The following ERMP1 variants were observed in gnomAD, a reference collection of about 807,000 sequenced individuals.
ERMP1 encodes Felix-ina.
ERMP1 carries 86 observed loss-of-function variants against 92.0 expected under a neutral mutation model. The observed-to-expected ratio is 0.93, with a 90% CI of 0.79 to 1.12. The LOEUF is 1.12. Among genes scored for constraint, ERMP1 ranks in the 50% most tolerant of loss-of-function variants. The pLI is 0.00. For missense variants in ERMP1, 1,342 were observed against 1,116.3 expected (o/e 1.20, Z -2.88); for synonymous variants, 530 against 412.8 (o/e 1.28, Z -3.44).
At chr9:5,798,702 C>A in intron 12 of ERMP1, 104 bp downstream of exon 12, 1 of 691,180 alleles carries the variant, frequency 1.4e-6, no homozygotes, top group Non-Finnish European at 2.4e-6. Flanking sequence ...ACAAACACCA[C>A]TGAACTTGTA....
chr9:5,787,252 C>A lies in ERMP1; in HGVS notation c.2607G>T (p.Leu869=). 6.2e-7 allele frequency: 1 copy of A among 1,614,110 alleles called. No homozygotes were observed. The highest frequency in any genetic ancestry group is 8.5e-7 in the Non-Finnish European group (1 of 1,179,992). ...GAGGGGATCTCTTGTCTTCCCCAGA[C>A]AGATAGTGGGCAGCAATGGCCACGG... ...MVTVAIAAHY[L]SGEDKRSPQL... is the part of the protein sequence containing the mutation. Residue 869 remains leucine (L), a synonymous_variant, in exon 15 of 15, where the codon CTG becomes CTT. Coordinates refer to ENST00000339450, the MANE Select transcript of ERMP1 (RefSeq NM_024896.3).
intron 6 of ERMP1, among the ~76,000 whole-genome samples, chr9:5,811,863 T>G (rs1472047022): frequency 6.6e-6 from 1 of 151,920 alleles, no homozygotes; most frequent in Non-Finnish European, 1.5e-5. Context: ...CTAACAGAGC[T>G]ACATTCTTAC....
intron 13 of ERMP1, among the ~76,000 whole-genome samples, chr9:5,796,625 A>T (rs1461012939): frequency 6.6e-6 from 1 of 152,224 alleles, no homozygotes; most frequent in Non-Finnish European, 1.5e-5. Context: ...AAGTCAGTCG[A>T]AAAAGGCTAC....
intron 2 of ERMP1, among the ~76,000 whole-genome samples, chr9:5,829,069 C>T (rs1002675449): frequency 1.3e-5 from 2 of 151,902 alleles, no homozygotes; most frequent in Non-Finnish European, 2.9e-5. Context: ...CATGGTGAAA[C>T]CCTGTCGCTG....
chr9:5,794,023 AAG>A (rs1321602365), intron 13 of ERMP1, among the ~76,000 whole-genome samples: 1 of 152,134 alleles, frequency 6.6e-6, no homozygotes, highest in Non-Finnish European at 1.5e-5. Context: ...AACATTCATC[AAG>A]AGAGACCACA....
chr9:5,802,441 G>T (rs974642088), intron 10 of ERMP1, among the ~76,000 whole-genome samples: 11 of 152,152 alleles, frequency 7.2e-5, no homozygotes, highest in African/African-American at 2.2e-4. Context: ...CTGGAGTGCA[G>T]AGGCACGATC....
At chr9:5,796,569 CA>C (rs1828432875) in intron 13 of ERMP1, among the ~76,000 whole-genome samples, 1 of 152,092 alleles carries the variant, frequency 6.6e-6, no homozygotes, top group Non-Finnish European at 1.5e-5. Flanking sequence ...TATCAAGTCA[CA>C]AAAAGATATG....
upstream of ERMP1, among the ~76,000 whole-genome samples, chr9:5,837,553 A>C (rs932406637): frequency 1.6e-4 from 24 of 152,220 alleles, no homozygotes; most frequent in Admixed American, 2.6e-4. Context: ...TACATCAAAA[A>C]CAGTCACCAA....
At chr9:5,864,159 G>C (rs1384089147) in intron 5 of ERMP1, among the ~76,000 whole-genome samples, 2 of 152,174 alleles carry the variant, frequency 1.3e-5, no homozygotes, top group Non-Finnish European at 2.9e-5. Context: ...GCTGAATGTG[G>C]TTTTAATTTA....
At chr9:5,834,983 G>GTGTA (rs1209131080), upstream of ERMP1, among the ~76,000 whole-genome samples, 1,080 of 62,438 alleles carry the variant, frequency 0.017, 12 homozygotes, top group Non-Finnish European at 0.024. Flanking sequence ...ATAGATGTGT[G>GTGTA]TGTGTGTGTG....
Position 5,832,915 on chromosome 9 carries a change from G to T in ERMP1, c.113C>A (p.Pro38His). Residue 38 changes from proline to histidine, a missense_variant, in exon 1 of 15, where the codon CCT becomes CAT. Coordinates refer to ENST00000339450, the MANE Select transcript of ERMP1 (RefSeq NM_024896.3). ...PPEREARAQE[P>H]LVDGCSGGGR... ...GCCGCCGCTGCACCCATCCACCAGA[G>T]GCTCCTGCGCTCGGGCCTCCCTCTC... The T allele has an allele frequency of 6.4e-7, 1 of 1,561,850 alleles. No individual in the cohort carries two copies. The highest frequency in any genetic ancestry group is 8.6e-7 in the Non-Finnish European group (1 of 1,164,844).
chr9:5,811,008 A>C (rs1563759059), intron 7 of ERMP1, 103 bp downstream of exon 7: 1 of 704,600 alleles, frequency 1.4e-6, no homozygotes, highest in Non-Finnish European at 2.4e-6. Flanking sequence ...ACATTGTCTT[A>C]AGATTTTTAG....
rs1829078038 is a variant in ERMP1 at position 5,811,202 on chromosome 9, GT to G, written c.1235del (p.Tyr412SerfsTer9). 1 of 1,613,866 alleles carries G rather than the reference GT, an allele frequency of 6.2e-7. No individual in the cohort carries two copies. The highest frequency in any genetic ancestry group is 1.3e-5 in the African/African-American group (1 of 74,868). ...TTATGATTGAGCCAATACGAGAGGG[GT>G]AGGCAATGACAAACAGGCCCAGCAC... ...FDVLGLFVIA[Y>X]PSRIGSIINY... On this transcript the variant is annotated frameshift_variant, in exon 7 of 15. Transcript: ENST00000339450. LOFTEE classifies it high-confidence loss of function.
chr9:5,819,746 A>C (rs902550004), intron 4 of ERMP1, among the ~76,000 whole-genome samples: 1 of 152,188 alleles, frequency 6.6e-6, no homozygotes, highest in African/African-American at 2.4e-5. Flanking sequence ...GAAATACATT[A>C]CACTAAGTAA....
rs1043339428 is a variant in ERMP1 at position 5,817,162 on chromosome 9, T to G, written c.875-4127A>C. 3.9e-5 allele frequency among the ~76,000 whole-genome samples: 6 copies of G among 151,994 alleles called. No individual in the cohort carries two copies. The East Asian group carries it at 5.8e-4, about 15-fold the overall frequency. On this transcript the variant is annotated intron_variant, in intron 4 of 14. Coordinates refer to ENST00000339450, the MANE Select transcript of ERMP1 (RefSeq NM_024896.3). ...ATCCGCCTGCCTCGGCCTCCCAAAG[T>G]GCTGGGATTACAGGCATGAGCCACC... is the stretch of plus-strand genomic sequence containing the variant.
chr9:5,784,591 C>G lies in ERMP1; in HGVS notation c.*2553G>C, dbSNP rs976696953. ...AACCAGTATATTAAACAGTTTATTT[C>G]AGTAACATTGTAAGGCAACAATTAA... On this transcript the variant is annotated 3_prime_UTR_variant, in exon 15 of 15. Coordinates refer to ENST00000339450, the MANE Select transcript of ERMP1 (RefSeq NM_024896.3). The G allele has an allele frequency of 2.0e-5, 3 of 152,622 alleles. No individual in the cohort carries two copies. The highest frequency in any genetic ancestry group is 6.5e-5 in the Admixed American group (1 of 15,272). 9.5% of individuals were successfully genotyped at this position (152,622 alleles called of 1,614,324 possible).
intron 6 of ERMP1, among the ~76,000 whole-genome samples, chr9:5,845,913 G>A (rs1033338460): frequency 2.6e-5 from 4 of 152,168 alleles, no homozygotes; most frequent in Non-Finnish European, 4.4e-5. Context: ...TCAGGCCCTC[G>A]GAGTGTTTGG....
intron 6 of ERMP1, among the ~76,000 whole-genome samples, chr9:5,840,252 AAGAG>A (rs371134729): frequency 2.6e-5 from 4 of 151,828 alleles, no homozygotes; most frequent in African/African-American, 7.3e-5. Flanking sequence ...AAAAGAAAGA[AAGAG>A]AGAGAGAGAA....
chr9:5,845,048 G>A (rs1383151502), intron 6 of ERMP1, among the ~76,000 whole-genome samples: 1 of 152,030 alleles, frequency 6.6e-6, no homozygotes, highest in Non-Finnish European at 1.5e-5. Context: ...CTTCCTTGGG[G>A]CAGTATAGGG....
Sources: allele counts gnomAD v4.1 joint callset (sites outside exome capture counted in the v4.1 genomes callset), GRCh38; gene constraint gnomAD v4.1.1; transcripts MANE v1.5; gene names NCBI Gene and HGNC (gene_info 2026-07-23, HGNC 2026-07-21).